MYO1H: variants seen among roughly 807,000 people sequenced by gnomAD.
The protein encoded by MYO1H is unconventional myosin-Ih.
MYO1H carries 118 observed loss-of-function variants against 149.3 expected under a neutral mutation model. That is an observed-to-expected ratio of 0.79 (90% confidence interval 0.68 to 0.92). The LOEUF is 0.92. Among genes scored for constraint, MYO1H ranks in the 40% least tolerant of loss-of-function variants. MYO1H has a pLI of 0.00. For synonymous variants in MYO1H, 447 were observed against 465.2 expected (o/e 0.96, Z 0.50); for missense variants, 1,212 against 1,280.7 (o/e 0.95, Z 0.82).
upstream of MYO1H, among the ~76,000 whole-genome samples, chr12:109,344,504 G>T (rs918511015): frequency 6.6e-6 from 1 of 152,170 alleles, no homozygotes; most frequent in South Asian, 2.1e-4. Context: ...TAAATGGAAA[G>T]ATATCCTATG....
chr12:109,416,572 T>C (rs1468466780), intron 15 of MYO1H, among the ~76,000 whole-genome samples: 2 of 152,210 alleles, frequency 1.3e-5, no homozygotes, highest in Non-Finnish European at 1.5e-5. Flanking sequence ...TGGTAGGCAC[T>C]TGGGTTGTTT....
intron 2 of MYO1H, among the ~76,000 whole-genome samples, chr12:109,389,669 G>A (rs1021182523): frequency 7.2e-5 from 11 of 152,136 alleles, no homozygotes; most frequent in African/African-American, 2.7e-4. Flanking sequence ...TCTGATTTGA[G>A]GGTCGTTTTT....
intron 21 of MYO1H, 56 bp from the exon 22 acceptor site, chr12:109,436,432 C>G: frequency 7.4e-7 from 1 of 1,343,950 alleles, no homozygotes; most frequent in South Asian, 1.2e-5. Context: ...GAGATCACAA[C>G]CACAAAGATG....
intron 15 of MYO1H, among the ~76,000 whole-genome samples, 154 bp from the exon 16 acceptor site, chr12:109,420,823 ACGAC>A (rs1871140508): frequency 6.6e-6 from 1 of 152,166 alleles, no homozygotes; most frequent in Admixed American, 6.5e-5. Flanking sequence ...ACCACAAAGA[ACGAC>A]CCAGCCCCAA....
chr12:109,316,627 G>T, the MYO1H span, among the ~76,000 whole-genome samples: 2 of 152,146 alleles, frequency 1.3e-5, no homozygotes, highest in Admixed American at 1.3e-4. Context: ...ATCCCATAGG[G>T]ATGGGGTATT....
chr12:109,427,896 AAAAAAAAAAAAAAAT>A (rs1221684414), intron 19 of MYO1H, among the ~76,000 whole-genome samples: 3 of 73,954 alleles, frequency 4.1e-5, no homozygotes, highest in African/African-American at 1.8e-4. Flanking sequence ...AAAAAAAAAA[AAAAAAAAAAAAAAAT>A]ATATATATAT....
the MYO1H span, among the ~76,000 whole-genome samples, chr12:109,341,621 G>A: frequency 1.3e-3 from 44 of 34,340 alleles, no homozygotes; most frequent in Middle Eastern, 0.022. Flanking sequence ...GGCTGTTTGC[G>A]GGAGAAAGCA....
chr12:109,428,673 G>A (rs1159923464), intron 19 of MYO1H, among the ~76,000 whole-genome samples: 1 of 152,148 alleles, frequency 6.6e-6, no homozygotes, highest in African/African-American at 2.4e-5. Flanking sequence ...GAGACTCTTT[G>A]CCTTTATTTT....
the MYO1H span, among the ~76,000 whole-genome samples, chr12:109,329,254 G>T: frequency 6.6e-6 from 1 of 152,122 alleles, no homozygotes; most frequent in Non-Finnish European, 1.5e-5. Flanking sequence ...TTATTGTACA[G>T]CCGTGTTCAT....
At chr12:109,319,399 G>A in the MYO1H span, among the ~76,000 whole-genome samples, 1 of 152,190 alleles carries the variant, frequency 6.6e-6, no homozygotes, top group African/African-American at 2.4e-5. Context: ...AATTAGAATG[G>A]TAGTTGTCAG....
intron 1 of MYO1H, chr12:109,357,106 A>G (rs919159769): frequency 7.4e-6 from 1 of 134,924 alleles, no homozygotes; most frequent in African/African-American, 2.7e-5. Flanking sequence ...ACAAAAATGC[A>G]TTCAGTTCTA....
At chr12:109,398,210 A>T (rs1362154804) in intron 5 of MYO1H, among the ~76,000 whole-genome samples, 1 of 150,032 alleles carries the variant, frequency 6.7e-6, no homozygotes, top group Non-Finnish European at 1.5e-5. Context: ...ATCGCTACAG[A>T]TGCGTAAGCA....
upstream of MYO1H, among the ~76,000 whole-genome samples, chr12:109,346,632 G>T (rs2048103492): frequency 1.3e-5 from 2 of 151,640 alleles, no homozygotes; most frequent in South Asian, 2.1e-4. Context: ...GTTGTGGCGG[G>T]TGCCTTGTAA....
rs563700391 is a variant in MYO1H, at chr12:109,369,513, G to A, written c.13-19170G>A. Among the ~76,000 whole-genome samples the A allele has an allele frequency of 4.6e-5, 7 of 152,240 alleles. No homozygotes were observed. The South Asian group carries it at 6.2e-4, about 14-fold the overall frequency. ...GCTTTTGCTTTTCAGACTGTTTGAC[G>A]CTTAAAAATTGGATGGGTATTAATG... On this transcript the variant is annotated intron_variant, in intron 1 of 31. Coordinates refer to ENST00000310903, the Ensembl canonical transcript of MYO1H.
chr12:109,375,959 A>G (rs1188208652), intron 1 of MYO1H, among the ~76,000 whole-genome samples: 3 of 152,212 alleles, frequency 2.0e-5, no homozygotes, highest in Admixed American at 6.5e-5. Flanking sequence ...GGCGTGGGCA[A>G]CAGAGCAAGA....
At chr12:109,447,366 C>A in exon 32 of MYO1H, 1 of 633,362 alleles carries the variant, frequency 1.6e-6, no homozygotes, top group South Asian at 1.8e-5. Flanking sequence ...CTCAGCTGCC[C>A]CATGGCACCT....
At chr12:109,322,952 C>T in the MYO1H span, among the ~76,000 whole-genome samples, 1 of 150,994 alleles carries the variant, frequency 6.6e-6, no homozygotes, top group Non-Finnish European at 1.5e-5. Flanking sequence ...ACTAAAAATA[C>T]AAAAATTAGC....
chr12:109,442,944 C>T (rs1359490750), intron 27 of MYO1H, among the ~76,000 whole-genome samples: 1 of 147,216 alleles, frequency 6.8e-6, no homozygotes, highest in African/African-American at 2.5e-5. Context: ...CCTCAGAGGG[C>T]AACGCAGGTA....
At chr12:109,393,061 G>A (rs1869727494) in intron 2 of MYO1H, among the ~76,000 whole-genome samples, 1 of 151,928 alleles carries the variant, frequency 6.6e-6, no homozygotes, top group Non-Finnish European at 1.5e-5. Flanking sequence ...ACCCGCCTCG[G>A]CCTCCCAAAG....
Sources: allele counts gnomAD v4.1 joint callset (sites outside exome capture counted in the v4.1 genomes callset), GRCh38; gene constraint gnomAD v4.1.1; transcripts MANE v1.5; gene names NCBI Gene and HGNC (gene_info 2026-07-23, HGNC 2026-07-21).